Variants in SLC4A3 observed in about 807,000 individuals in gnomAD.
The protein encoded by SLC4A3 is solute carrier family 4 member 3, also known as anion exchange protein 3.
Under a neutral mutation model 114.2 loss-of-function variants are expected in SLC4A3, and 47 were observed. The observed-to-expected ratio is 0.41, with a 90% CI of 0.33 to 0.52. The LOEUF is 0.52. Among genes scored for constraint, SLC4A3 ranks in the 20% least tolerant of loss-of-function variants. The pLI, the probability that SLC4A3 is intolerant of heterozygous loss-of-function variation, is 0.21. For missense variants in SLC4A3, 1,312 were observed against 1,668.3 expected (o/e 0.79, Z 3.72); for synonymous variants, 693 against 710.3 (o/e 0.98, Z 0.39).
At chr2:219,634,711 G>C in intron 12 of SLC4A3, 107 bp downstream of exon 12, 1 of 1,205,708 alleles carries the variant, frequency 8.3e-7, no homozygotes, top group East Asian at 2.5e-5. Flanking sequence ...AGAGGCCCCT[G>C]GGTGGAGGCC....
chr2:219,640,745 A>C, intron 21 of SLC4A3, 44 bp from the exon 22 acceptor site: 1 of 1,591,442 alleles, frequency 6.3e-7, no homozygotes, highest in African/African-American at 1.3e-5. Flanking sequence ...GGGTGGGAGC[A>C]GGCCGGGACG....
At position 219,637,543 on chromosome 2, in the gene SLC4A3, C is replaced by A; in HGVS notation, c.2536-38C>A. 1 of 1,192,780 alleles carries A rather than the reference C, an allele frequency of 8.4e-7. No individual in the cohort carries two copies. The highest frequency in any genetic ancestry group is 1.2e-6 in the Non-Finnish European group (1 of 828,816). The allele number at this position is 1,192,780 out of a possible 1,614,324, so 73.9% of individuals were successfully genotyped here. A position where few individuals can be genotyped will look rare whatever the true frequency, so the allele number is the denominator to read the frequency against. On this transcript the variant is annotated intron_variant, in intron 16 of 22. Coordinates refer to ENST00000358055, the MANE Select transcript of SLC4A3 (RefSeq NM_005070.4). This position sits in a 1 kb window ranked among gnomAD's most constrained non-coding sequence, Gnocchi z 4.6. ...ATGACGATGAAGTCAGGTCACCTGC[C>A]AGGTGAGTGACAAGGCATCCTTGTT...
In SLC4A3 at chr2:219,638,776, G is replaced by A; in HGVS notation, c.2930G>A (p.Ser977Asn). The change falls in exon 19 of 23, where the codon AGT becomes AAT. Residue 977 changes from serine (S) to asparagine (N), a missense_variant. This residue lies in a region of SLC4A3 where 301 missense variants were observed against 460.7 expected (regional missense o/e 0.65). Coordinates refer to ENST00000358055, the MANE Select transcript of SLC4A3 (RefSeq NM_005070.4). The surrounding 1 kb of genome is among the most constrained non-coding windows in gnomAD (Gnocchi z 7.5). ...TCGTGGTTCATCCCACCCCTGGGCAGTGCCCGTCCTTTCCCGCCGTGGATG... is the reference window on the plus strand; with the variant it reads ...TCGTGGTTCATCCCACCCCTGGGCAATGCCCGTCCTTTCCCGCCGTGGATG... ...KRSWFIPPLG[S>N]ARPFPPWMMV... is the part of the protein sequence containing the mutation. The A allele has an allele frequency of 6.2e-7, 1 of 1,614,180 alleles. No individual in the cohort carries two copies.
In SLC4A3 at chr2:219,637,776, C is replaced by T. The variant is rs1444311990; in HGVS notation, c.2731C>T (p.Arg911Cys). The change falls in exon 17 of 23, where the codon CGC (arginine) becomes TGC (cysteine). Residue 911 changes from arginine (R) to cysteine (C), a missense_variant. By Grantham distance (180) the Arg-to-Cys change is radical (BLOSUM62 -3). Coordinates refer to ENST00000358055, the MANE Select transcript of SLC4A3 (RefSeq NM_005070.4). The surrounding 1 kb of genome is among the most constrained non-coding windows in gnomAD (Gnocchi z 4.6). ...GACCTTCTTCATAGCCTTCTTCCTG[C>T]GCAAGTTCAGGAACAGCCGCTTCCT... ...LGTFFIAFFL[R>C]KFRNSRFLGG... 2 of 1,613,744 alleles carry T rather than the reference C, an allele frequency of 1.2e-6. No individual in the cohort carries two copies. Among genetic ancestry groups the T allele is most frequent in the Non-Finnish European group, 1.7e-6 (2 of 1,179,822 alleles).
Position 219,629,131 on chromosome 2 carries a change from C to T in SLC4A3, c.218-13C>T. 1.3e-6 allele frequency: 2 copies of T among 1,565,744 alleles called. No homozygotes were observed. The highest frequency in any genetic ancestry group is 8.7e-7 in the Non-Finnish European group (1 of 1,154,814). On this transcript the variant is annotated splice_polypyrimidine_tract_variant and intron_variant, in intron 3 of 22. Coordinates refer to ENST00000358055, the MANE Select transcript of SLC4A3 (RefSeq NM_005070.4). ...TGCTGTGGGGGCCTCAACCGGATCTCCTGCACCCCCAGTTCACCGGCACAC... is the reference window on the plus strand; with the variant it reads ...TGCTGTGGGGGCCTCAACCGGATCTTCTGCACCCCCAGTTCACCGGCACAC...
In SLC4A3 at chr2:219,628,824, CT is replaced by C; in HGVS notation, c.217+256del. ...TGGGCCTGGGCCCTTCCACGGTGAC[CT>C]TCCCCTTCCCCTTCGTCCCCACTCA... is the stretch of plus-strand genomic sequence containing the variant. On this transcript the variant is annotated intron_variant, in intron 3 of 22. Transcript: ENST00000358055. The surrounding 1 kb of genome is among the most constrained non-coding windows in gnomAD (Gnocchi z 4.8). 1.7e-6 allele frequency: 1 copy of C among 583,328 alleles called. No individual in the cohort carries two copies. Among genetic ancestry groups the C allele is most frequent in the Non-Finnish European group, 3.0e-6 (1 of 334,516 alleles). The allele number at this position is 583,328 out of a possible 1,614,324, so 36.1% of individuals were successfully genotyped here.
In SLC4A3 at chr2:219,628,077, G is replaced by C. The variant is rs1410077646; in HGVS notation, c.51+34G>C. 1 of 1,481,426 alleles carries C rather than the reference G, an allele frequency of 6.8e-7. No homozygotes were observed. Among genetic ancestry groups the C allele is most frequent in the African/African-American group, 1.4e-5 (1 of 70,492 alleles). 91.8% of individuals were successfully genotyped at this position (1,481,426 alleles called of 1,614,324 possible). On this transcript the variant is annotated intron_variant, in intron 2 of 22. Coordinates refer to ENST00000358055, the MANE Select transcript of SLC4A3 (RefSeq NM_005070.4). The surrounding 1 kb of genome is among the most constrained non-coding windows in gnomAD (Gnocchi z 4.8). The stretch of plus-strand genomic sequence containing the variant: ...CGCGCGCGGGGGCGGGGGAGAGATG[G>C]GGGAGGAGAGGGGAGGGACCTTAGG...
At position 219,639,565 on chromosome 2, in the gene SLC4A3, G is replaced by C. The variant is rs1318221173; in HGVS notation, c.3107G>C (p.Gly1036Ala). 1.2e-6 allele frequency: 2 copies of C among 1,613,966 alleles called. No homozygotes were observed. Among genetic ancestry groups the C allele is most frequent in the South Asian group, 1.1e-5 (1 of 91,082 alleles). ...LDLLLIGSLG[G>A]LCGLFGLPWL... Reference sequence around the variant, plus strand: ...CTGCTCCTCATTGGCTCCCTGGGGGGGCTCTGTGGGCTGTTTGGGTTGCCC... The same window carrying C: ...CTGCTCCTCATTGGCTCCCTGGGGGCGCTCTGTGGGCTGTTTGGGTTGCCC... Residue 1036 changes from glycine to alanine, a missense_variant, in exon 20 of 23, where the codon GGG becomes GCG. Around this residue, in one of 4 missense-constraint regions of SLC4A3, gnomAD observed 301 missense variants for 460.7 expected, o/e 0.65. Coordinates refer to ENST00000358055, the MANE Select transcript of SLC4A3 (RefSeq NM_005070.4). This position sits in a 1 kb window ranked among gnomAD's most constrained non-coding sequence, Gnocchi z 5.9.
At chr2:219,629,045 C>T (rs1488446484) in intron 3 of SLC4A3, 99 bp from the exon 4 acceptor site, 9 of 1,395,848 alleles carry the variant, frequency 6.4e-6, no homozygotes, top group African/African-American at 1.5e-5. Context: ...GACTAGGGTG[C>T]CCTTGTTTGC....
In SLC4A3 at chr2:219,636,579, A is replaced by T. The variant is rs1699125985; in HGVS notation, c.2341-101A>T. 6.8e-7 allele frequency: 1 copy of T among 1,478,626 alleles called. No individual in the cohort carries two copies. 91.6% of individuals were successfully genotyped at this position (1,478,626 alleles called of 1,614,324 possible). On this transcript the variant is annotated intron_variant, in intron 15 of 22. Transcript: ENST00000358055. The surrounding 1 kb of genome is among the most constrained non-coding windows in gnomAD (Gnocchi z 5.5). ...CCTTACCTAGGGGATGGGTCCCTGC[A>T]TTCTCCCTCTTCCTCGGAGTTCATC...
In SLC4A3 at chr2:219,635,790, C is replaced by T. The variant is rs763838027; in HGVS notation, c.2090C>T (p.Pro697Leu). The T allele has an allele frequency of 1.3e-6, 2 of 1,595,242 alleles. No homozygotes were observed. Among genetic ancestry groups the T allele is most frequent in the African/African-American group, 1.3e-5 (1 of 74,082 alleles). The change falls in exon 14 of 23, where the codon CCC becomes CTC. Residue 697 changes from proline to leucine, a missense_variant. Around this residue, in one of 4 missense-constraint regions of SLC4A3, gnomAD observed 771 missense variants for 977.7 expected, o/e 0.79. Coordinates refer to ENST00000358055, the MANE Select transcript of SLC4A3 (RefSeq NM_005070.4). ...RDVRRRYPHY[P>L]SDLRDALHSQ... ...GTGAGGCGCCGGTACCCGCACTACCCCAGTGACCTGCGAGATGCGCTGCAC... is the reference window on the plus strand; with the variant it reads ...GTGAGGCGCCGGTACCCGCACTACCTCAGTGACCTGCGAGATGCGCTGCAC...
Position 219,631,574 on chromosome 2 carries a change from G to A in SLC4A3, c.812-394G>A, listed in dbSNP as rs1180190148. The A allele has an allele frequency of 2.0e-5, 20 of 978,342 alleles. No homozygotes were observed. Among genetic ancestry groups the A allele is most frequent in the Non-Finnish European group, 2.3e-5 (17 of 732,422 alleles). 60.6% of individuals were successfully genotyped at this position (978,342 alleles called of 1,614,324 possible). A position where few individuals can be genotyped will look rare whatever the true frequency, so the allele number is the denominator to read the frequency against. ...GGCTGTGTACCTTCGGGGAGGGGAC[G>A]TGGGTGTTGAGATAGGGTGCACGGA... On this transcript the variant is annotated intron_variant, in intron 6 of 22. Coordinates refer to ENST00000358055, the MANE Select transcript of SLC4A3 (RefSeq NM_005070.4). The surrounding 1 kb of genome is among the most constrained non-coding windows in gnomAD (Gnocchi z 6.3).
rs1490423349 is a variant in SLC4A3, at chr2:219,637,844, G to C, written c.2766+33G>C. 1.4e-5 allele frequency: 21 copies of C among 1,527,698 alleles called. No individual in the cohort carries two copies. Among genetic ancestry groups the C allele is most frequent in the African/African-American group, 2.7e-5 (2 of 73,122 alleles). The allele number at this position is 1,527,698 out of a possible 1,614,324, so 94.6% of individuals were successfully genotyped here. On this transcript the variant is annotated intron_variant, in intron 17 of 22. Coordinates refer to ENST00000358055, the MANE Select transcript of SLC4A3 (RefSeq NM_005070.4). The surrounding 1 kb of genome is among the most constrained non-coding windows in gnomAD (Gnocchi z 4.6). ...GCTGCTGGGTGTGGAGCCCCCAAGA[G>C]TCCCACAATTCCTGCTGTAGGAGCT...
rs1699318450 is a variant in SLC4A3 at position 219,641,288 on chromosome 2, A to T, written c.3621+326A>T. 6.6e-6 allele frequency among the ~76,000 whole-genome samples: 1 copy of T among 152,162 alleles called. No individual in the cohort carries two copies. The highest frequency in any genetic ancestry group is 2.4e-5 in the African/African-American group (1 of 41,432). On this transcript the variant is annotated intron_variant, in intron 22 of 22. Coordinates refer to ENST00000358055, the MANE Select transcript of SLC4A3 (RefSeq NM_005070.4). The surrounding 1 kb of genome is among the most constrained non-coding windows in gnomAD (Gnocchi z 4.0). ...ACCCGGCTGAGAGGCTACAGGGTTG[A>T]TGTGGCACTGGTGTCCACCCTGAGC... is the stretch of plus-strand genomic sequence containing the variant.
chr2:219,635,407 TC>T lies in SLC4A3; in HGVS notation c.1885del (p.Gln629SerfsTer18). The T allele has an allele frequency of 6.2e-7, 1 of 1,614,146 alleles. No individual in the cohort carries two copies. The highest frequency in any genetic ancestry group is 8.5e-7 in the Non-Finnish European group (1 of 1,180,014). On this transcript the variant is annotated frameshift_variant, in exon 13 of 23. Coordinates refer to ENST00000358055, the MANE Select transcript of SLC4A3 (RefSeq NM_005070.4). LOFTEE classifies it high-confidence loss of function. ...GACCTGCTGCGCTCCGTGGCTGCTT[TC>T]CAGCGAGAGCTGCTTAGGAAGCGGC... ...GRDLLRSVAA[F>X]QRELLRKRRE... is the part of the protein sequence containing the mutation.
chr2:219,633,481 G>T (rs544410399), intron 10 of SLC4A3, 24 bp downstream of exon 10: 1 of 1,504,382 alleles, frequency 6.6e-7, no homozygotes, highest in East Asian at 2.4e-5. Flanking sequence ...CTTTGGCTTG[G>T]GCCAGGGGAC....
rs550725232 is a variant in SLC4A3, at chr2:219,639,416, G to C, written c.3024-66G>C. On this transcript the variant is annotated intron_variant, in intron 19 of 22. Coordinates refer to ENST00000358055, the MANE Select transcript of SLC4A3 (RefSeq NM_005070.4). The surrounding 1 kb of genome is among the most constrained non-coding windows in gnomAD (Gnocchi z 5.9). Reference sequence around the variant, plus strand: ...CCCCCACCATCTCGTCTCTGTGTGCGTGCCTGTCTTTGTCCCCTGCCCCTG... The same window carrying C: ...CCCCCACCATCTCGTCTCTGTGTGCCTGCCTGTCTTTGTCCCCTGCCCCTG... 6 of 1,561,996 alleles carry C rather than the reference G, an allele frequency of 3.8e-6. No homozygotes were observed. Among genetic ancestry groups the C allele is most frequent in the South Asian group, 1.2e-5 (1 of 86,466 alleles).
In SLC4A3 at chr2:219,639,745, C is replaced by T. The variant is rs761534319; in HGVS notation, c.3277+10C>T. 1.7e-5 allele frequency: 27 copies of T among 1,601,300 alleles called. No individual in the cohort carries two copies. The African/African-American group carries it at 2.1e-4, about 13-fold the overall frequency. ...ATCGCCAGCCTCGTGGGTGAGAGCC[C>T]GCCTCCACCCTGCACACCCCCTTCC... On this transcript the variant is annotated intron_variant, in intron 20 of 22. Coordinates refer to ENST00000358055, the MANE Select transcript of SLC4A3 (RefSeq NM_005070.4). The surrounding 1 kb of genome is among the most constrained non-coding windows in gnomAD (Gnocchi z 5.9).
rs1369466857 is a variant in SLC4A3 at position 219,633,925 on chromosome 2, C to T, written c.1507C>T (p.Leu503=). ...PGGDGHRGKS[L]KLLEKIPEDA... ...GGGAGATGGTCACCGGGGGAAAAGC[C>T]TGAAGCTGCTGGAGAAGATCCCTGA... Residue 503 remains leucine, a synonymous_variant, in exon 11 of 23, where the codon CTG becomes TTG. Transcript: ENST00000358055. The T allele has an allele frequency of 1.9e-6, 3 of 1,562,002 alleles. No individual in the cohort carries two copies. The highest frequency in any genetic ancestry group is 1.9e-5 in the Admixed American group (1 of 51,842).
Sources: gnomAD v4.1 joint callset for allele counts (sites outside exome capture counted in the v4.1 genomes callset) on GRCh38, gnomAD v4.1.1 for gene constraint, gnomAD v4.1.1 regional missense constraint, Gnocchi (gnomAD v3.1) non-coding constraint, MANE v1.5 for transcripts, NCBI Gene and HGNC (gene_info 2026-07-23, HGNC 2026-07-21) for gene names.